Variants in OIP5 observed in about 807,000 individuals in gnomAD.
The protein encoded by OIP5 is protein Mis18-beta.
In OIP5, 24 loss-of-function variants were observed where a neutral mutation model predicts 20.3. The observed-to-expected ratio is 1.18, with a 90% confidence interval of 0.86 to 1.66. The LOEUF is 1.66. Among genes scored for constraint, OIP5 ranks in the 40% most tolerant of loss-of-function variants. The pLI is 0.00. For missense variants in OIP5, 339 were observed against 289.5 expected (o/e 1.17, Z -1.24); for synonymous variants, 143 against 121.3 (o/e 1.18, Z -1.17).
Position 41,331,975 on chromosome 15 carries a change from G to T in OIP5, c.329C>A (p.Thr110Lys), listed in dbSNP as rs1292409738. The change falls in exon 2 of 5, where the codon ACA becomes AAA. Residue 110 changes from threonine (T) to lysine (K), a missense_variant. Coordinates refer to ENST00000220514, the MANE Select transcript of OIP5 (RefSeq NM_007280.2). ...GGGCGCTTCCAAAACGACGTTATTT[G>T]TAACTCCTAGGAAGACAAACACGGG... ...SLGAVVFSRV[T>K]NNVVLEAPFL... 2 of 1,613,948 alleles carry T rather than the reference G, an allele frequency of 1.2e-6. No homozygotes were observed. Among genetic ancestry groups the T allele is most frequent in the South Asian group, 1.1e-5 (1 of 91,080 alleles).
At chr15:41,326,646 G>T (rs549266807) in intron 2 of OIP5, among the ~76,000 whole-genome samples, 2 of 152,152 alleles carry the variant, frequency 1.3e-5, no homozygotes, top group African/African-American at 4.8e-5. Flanking sequence ...GGCTGGTCTC[G>T]AACTCCTGAC....
chr15:41,315,855 T>G (rs986915147), intron 3 of OIP5, among the ~76,000 whole-genome samples: 6 of 152,108 alleles, frequency 3.9e-5, no homozygotes, highest in African/African-American at 1.4e-4. Context: ...TGCTTAAGAA[T>G]CTAGAAATTG....
intron 2 of OIP5, among the ~76,000 whole-genome samples, chr15:41,327,968 T>C (rs940670910): frequency 1.3e-5 from 2 of 151,718 alleles, no homozygotes; most frequent in African/African-American, 4.8e-5. Context: ...GGCATGGTGG[T>C]GCATGCCTTA....
Position 41,320,199 on chromosome 15 carries a change from T to A in OIP5, c.390-419A>T, listed in dbSNP as rs188866589. 3.7e-4 allele frequency among the ~76,000 whole-genome samples: 56 copies of A among 152,324 alleles called. 1 individual carries two copies. In the East Asian group the frequency reaches 6.0e-3, roughly 16 times the overall value. On this transcript the variant is annotated intron_variant, in intron 2 of 4. Transcript: ENST00000220514. ...TTACTAAACAAATTGTTCATAGAAC[T>A]AAAATCAAGGTTTGTCTTTTGCTTA... is the stretch of plus-strand genomic sequence containing the variant.
At chr15:41,328,656 G>C (rs930625310) in intron 2 of OIP5, among the ~76,000 whole-genome samples, 1 of 152,114 alleles carries the variant, frequency 6.6e-6, no homozygotes, top group African/African-American at 2.4e-5. Flanking sequence ...GAATCTAAGA[G>C]GTTCATGCCA....
intron 2 of OIP5, among the ~76,000 whole-genome samples, chr15:41,330,993 G>A (rs982745801): frequency 1.3e-5 from 2 of 152,166 alleles, no homozygotes; most frequent in African/African-American, 4.8e-5. Flanking sequence ...TAGCGATAGG[G>A]AGTGTCTTTT....
At chr15:41,324,298 A>G (rs936225943) in intron 2 of OIP5, among the ~76,000 whole-genome samples, 1 of 151,518 alleles carries the variant, frequency 6.6e-6, no homozygotes, top group Non-Finnish European at 1.5e-5. Flanking sequence ...CCGAGCCAAC[A>G]TTTGATACTC....
chr15:41,324,147 C>T (rs1273445955), intron 2 of OIP5, among the ~76,000 whole-genome samples: 1 of 151,970 alleles, frequency 6.6e-6, no homozygotes, highest in Non-Finnish European at 1.5e-5. Flanking sequence ...GTGTGCGCCA[C>T]CACATCCGGC....
chr15:41,312,811 A>G (rs2047766435), intron 4 of OIP5, among the ~76,000 whole-genome samples: 1 of 150,780 alleles, frequency 6.6e-6, no homozygotes, highest in African/African-American at 2.4e-5. Context: ...TGTATTTGTA[A>G]TAGAGATGGG....
rs538809534 is a variant in OIP5, at chr15:41,312,068, G to A, written c.594+1205C>T. Among the ~76,000 whole-genome samples the A allele has an allele frequency of 2.2e-3, 304 of 140,686 alleles. 64 individuals carry two copies. The highest frequency in any genetic ancestry group is 3.9e-3 in the Non-Finnish European group (240 of 61,898). The allele number at this position is 140,686 out of a possible 152,430, so 92.3% of individuals were successfully genotyped here. On this transcript the variant is annotated intron_variant, in intron 4 of 4. Transcript: ENST00000220514. ...GGGATTTCTCCATGTTGGTCAGGCT[G>A]GTCTCAAACTCCCGACCTGAGGTGA...
intron 2 of OIP5, among the ~76,000 whole-genome samples, chr15:41,330,496 C>G (rs1245207916): frequency 6.6e-6 from 1 of 151,590 alleles, no homozygotes; most frequent in Non-Finnish European, 1.5e-5. Flanking sequence ...CTCCGCCTCC[C>G]GGGTTCACGC....
At chr15:41,329,063 CAAAAAAAAA>C (rs1166517767) in intron 2 of OIP5, among the ~76,000 whole-genome samples, 20,224 of 49,504 alleles carry the variant, frequency 0.41, 1,732 homozygotes, top group Non-Finnish European at 0.45. Flanking sequence ...GACTCCATCT[CAAAAAAAAA>C]AAAAAAAAAA....
intron 2 of OIP5, among the ~76,000 whole-genome samples, chr15:41,325,508 C>T (rs897979147): frequency 6.6e-6 from 1 of 151,396 alleles, no homozygotes; most frequent in African/African-American, 2.4e-5. Flanking sequence ...AACAGACTTG[C>T]TCAACAAAAG....
intron 2 of OIP5, among the ~76,000 whole-genome samples, chr15:41,320,560 G>A (rs1287590438): frequency 2.6e-5 from 4 of 152,190 alleles, no homozygotes; most frequent in South Asian, 2.1e-4. Context: ...GATTGCAGAC[G>A]GAGTCTCGTC....
chr15:41,323,232 T>C (rs1483547583), intron 2 of OIP5, among the ~76,000 whole-genome samples: 1 of 152,180 alleles, frequency 6.6e-6, no homozygotes, highest in East Asian at 1.9e-4. Flanking sequence ...GGCTCACGCT[T>C]GTAATCCCAG....
intron 4 of OIP5, among the ~76,000 whole-genome samples, chr15:41,310,057 G>A (rs1415877163): frequency 1.3e-5 from 2 of 152,112 alleles, no homozygotes; most frequent in African/African-American, 4.8e-5. Context: ...TTTCTTTGTA[G>A]AGATGGGGGT....
chr15:41,313,742 T>C (rs946963768), intron 3 of OIP5, among the ~76,000 whole-genome samples: 1 of 152,124 alleles, frequency 6.6e-6, no homozygotes, highest in African/African-American at 2.4e-5. Context: ...ATATATACTT[T>C]TATACTTTAA....
In OIP5 at chr15:41,309,547, C is replaced by A; in HGVS notation, c.*207G>T. On this transcript the variant is annotated 3_prime_UTR_variant, in exon 5 of 5. Transcript: ENST00000220514. ...AAGAATCTAAAGTAAGTTCTTAAGG[C>A]AAATAGCTATAAAAGAGAAGAATCC... The A allele has an allele frequency of 2.4e-6, 1 of 419,772 alleles. No individual in the cohort carries two copies. The highest frequency in any genetic ancestry group is 4.3e-6 in the Non-Finnish European group (1 of 235,176). 26.0% of individuals were successfully genotyped at this position (419,772 alleles called of 1,614,324 possible).
At position 41,312,318 on chromosome 15, in the gene OIP5, C is replaced by T. The variant is rs546560733; in HGVS notation, c.594+955G>A. 1.3e-4 allele frequency among the ~76,000 whole-genome samples: 20 copies of T among 151,914 alleles called. No homozygotes were observed. The South Asian group carries it at 2.5e-3, about 19-fold the overall frequency. ...CTGGGATTACAGGCATGTGCCACCA[C>T]GCCCGGCTAATTTTGTATTTTTAGT... On this transcript the variant is annotated intron_variant, in intron 4 of 4. Coordinates refer to ENST00000220514, the MANE Select transcript of OIP5 (RefSeq NM_007280.2).
Sources: gnomAD v4.1 joint callset for allele counts (sites outside exome capture counted in the v4.1 genomes callset) on GRCh38, gnomAD v4.1.1 for gene constraint, MANE v1.5 for transcripts, NCBI Gene and HGNC (gene_info 2026-07-23, HGNC 2026-07-21) for gene names.